The following LHFPL3 variants were observed in gnomAD, a reference collection of about 807,000 sequenced individuals.
LHFPL3 encodes LHFPL tetraspan subfamily member 3 protein.
In LHFPL3, 5 loss-of-function variants were observed where a neutral mutation model predicts 19.3. The ratio of observed to expected loss-of-function variants is 0.26; its 90% CI spans 0.14 to 0.54. The LOEUF is 0.54. Among genes scored for constraint, LHFPL3 ranks in the 20% least tolerant of loss-of-function variants. The probability of loss-of-function intolerance (pLI) is 0.94; values close to 1 mark genes in which losing one functional copy is unlikely to be tolerated. For missense variants in LHFPL3, 249 were observed against 307.4 expected (o/e 0.81, Z 1.42); for synonymous variants, 133 against 126.2 (o/e 1.05, Z -0.36).
intron 1 of LHFPL3, among the ~76,000 whole-genome samples, chr7:104,569,534 A>G (rs1039534381): frequency 6.6e-6 from 1 of 152,240 alleles, no homozygotes; most frequent in Non-Finnish European, 1.5e-5. Flanking sequence ...ATACGATGTT[A>G]TGGGACACAT....
At chr7:104,519,358 G>A (rs1300955639) in intron 1 of LHFPL3, among the ~76,000 whole-genome samples, 1 of 152,140 alleles carries the variant, frequency 6.6e-6, no homozygotes, top group Non-Finnish European at 1.5e-5. Flanking sequence ...AAGAGGGAAA[G>A]CATTGGGAAC....
intron 1 of LHFPL3, among the ~76,000 whole-genome samples, chr7:104,634,882 T>G (rs1484895578): frequency 6.6e-6 from 1 of 152,120 alleles, no homozygotes; most frequent in East Asian, 1.9e-4. Context: ...ATATGACATT[T>G]GAATAAAGTC....
At chr7:104,596,298 G>C (rs189303886) in intron 1 of LHFPL3, among the ~76,000 whole-genome samples, 1 of 152,198 alleles carries the variant, frequency 6.6e-6, no homozygotes. Flanking sequence ...GCTTCCCTGT[G>C]ATCTCCAAGT....
At chr7:104,398,169 T>C (rs754710471) in intron 1 of LHFPL3, among the ~76,000 whole-genome samples, 1 of 152,128 alleles carries the variant, frequency 6.6e-6, no homozygotes, top group Non-Finnish European at 1.5e-5. Flanking sequence ...TGCTGGCGTC[T>C]AGCATGAACG....
intron 2 of LHFPL3, among the ~76,000 whole-genome samples, chr7:104,884,210 C>T (rs1353217856): frequency 6.6e-6 from 1 of 152,206 alleles, no homozygotes; most frequent in Non-Finnish European, 1.5e-5. Context: ...GTACTAACAA[C>T]ATCACGGAGA....
At chr7:104,859,350 T>C (rs962231219) in intron 2 of LHFPL3, among the ~76,000 whole-genome samples, 2 of 151,808 alleles carry the variant, frequency 1.3e-5, no homozygotes, top group Non-Finnish European at 1.5e-5. Context: ...AAAAAAATTA[T>C]TATGAATACT....
intron 1 of LHFPL3, among the ~76,000 whole-genome samples, chr7:104,630,855 C>T (rs1341568978): frequency 6.6e-6 from 1 of 152,102 alleles, no homozygotes; most frequent in Non-Finnish European, 1.5e-5. Context: ...ACAACCACTA[C>T]CCTTAGGGCT....
chr7:104,474,276 T>A (rs1288323329), intron 1 of LHFPL3, among the ~76,000 whole-genome samples: 2 of 152,120 alleles, frequency 1.3e-5, no homozygotes, highest in African/African-American at 2.4e-5. Flanking sequence ...ACAAAGAAGG[T>A]GTATTTGGGG....
chr7:104,854,799 G>A (rs1017077618), intron 2 of LHFPL3, among the ~76,000 whole-genome samples: 5 of 152,068 alleles, frequency 3.3e-5, no homozygotes, highest in African/African-American at 1.2e-4. Flanking sequence ...AATGTGCAGG[G>A]CTACATTTTA....
intron 1 of LHFPL3, among the ~76,000 whole-genome samples, chr7:104,644,197 T>A (rs573019581): frequency 2.0e-5 from 3 of 152,210 alleles, no homozygotes; most frequent in Non-Finnish European, 1.5e-5. Context: ...ACAGTTTTGT[T>A]TGCTGGATCT....
At chr7:104,655,234 C>T (rs946936038) in intron 1 of LHFPL3, among the ~76,000 whole-genome samples, 3 of 152,078 alleles carry the variant, frequency 2.0e-5, no homozygotes, top group Non-Finnish European at 2.9e-5. Flanking sequence ...TTGTCTGTTC[C>T]TTGGCCAAGG....
chr7:104,499,790 C>T (rs996395845), intron 1 of LHFPL3, among the ~76,000 whole-genome samples: 2 of 152,156 alleles, frequency 1.3e-5, no homozygotes, highest in African/African-American at 4.8e-5. Flanking sequence ...GTTATAATCA[C>T]ATTTAACCCC....
At chr7:104,530,824 C>T (rs1794280504) in intron 1 of LHFPL3, among the ~76,000 whole-genome samples, 1 of 152,100 alleles carries the variant, frequency 6.6e-6, no homozygotes, top group Non-Finnish European at 1.5e-5. Flanking sequence ...TCTTTTAATC[C>T]TTCACCATGC....
chr7:104,486,742 G>A (rs1159904487), intron 1 of LHFPL3, among the ~76,000 whole-genome samples: 1 of 152,120 alleles, frequency 6.6e-6, no homozygotes, highest in Non-Finnish European at 1.5e-5. Context: ...TTTTAATGTT[G>A]CTGAGCTATT....
rs1792524317 is a variant in LHFPL3, at chr7:104,455,656, G to T, written c.445+126432G>T. Among the ~76,000 whole-genome samples, 3 of 152,162 alleles carry T rather than the reference G, an allele frequency of 2.0e-5. No homozygotes were observed. In the South Asian group the frequency reaches 6.2e-4, roughly 32 times the overall value. On this transcript the variant is annotated intron_variant, in intron 1 of 2. Transcript: ENST00000424859. ...AAATTACTTGAACCTGGGAGGTTGA[G>T]GTTGCAGTGAGCCAAGATCATGCCA...
chr7:104,586,152 G>A (rs1790571835), intron 1 of LHFPL3, among the ~76,000 whole-genome samples: 1 of 152,070 alleles, frequency 6.6e-6, no homozygotes. Context: ...ATTCACTTAT[G>A]TTCATTTAGA....
chr7:104,624,398 C>A lies in LHFPL3; in HGVS notation c.446-112277C>A, dbSNP rs145569670. 2.6e-3 allele frequency among the ~76,000 whole-genome samples: 401 copies of A among 152,282 alleles called. 1 individual carries two copies. The highest frequency in any genetic ancestry group is 9.3e-3 in the African/African-American group (385 of 41,540). On this transcript the variant is annotated intron_variant, in intron 1 of 2. Transcript: ENST00000424859. Reference sequence around the variant, plus strand: ...AGAAAGTTCCTCTAGAATTTCAGTTCTTCTAGTAGTTTGCCACTCAGGCAC... The same window carrying A: ...AGAAAGTTCCTCTAGAATTTCAGTTATTCTAGTAGTTTGCCACTCAGGCAC...
chr7:104,870,336 G>C (rs2116657511), intron 2 of LHFPL3, among the ~76,000 whole-genome samples: 1 of 152,278 alleles, frequency 6.6e-6, no homozygotes, highest in Middle Eastern at 3.4e-3. Flanking sequence ...GTATAGCACA[G>C]ATGAGTTCAA....
chr7:104,707,661 T>C (rs1793218287), intron 1 of LHFPL3, among the ~76,000 whole-genome samples: 1 of 152,182 alleles, frequency 6.6e-6, no homozygotes. Context: ...GTAGTGTTTT[T>C]TTGTGTATTT....
Sources: gnomAD v4.1 joint callset for allele counts (sites outside exome capture counted in the v4.1 genomes callset) on GRCh38, gnomAD v4.1.1 for gene constraint, MANE v1.5 for transcripts, NCBI Gene and HGNC (gene_info 2026-07-23, HGNC 2026-07-21) for gene names.